The following KLHL13 variants were observed in gnomAD, a reference collection of about 807,000 sequenced individuals.
KLHL13 encodes kelch-like protein 13.
KLHL13 carries 10 observed loss-of-function variants against 37.1 expected under a neutral mutation model. That is an observed-to-expected ratio of 0.27 (90% CI 0.17 to 0.46). KLHL13 has a LOEUF of 0.46. Among genes scored for constraint, KLHL13 ranks in the 20% least tolerant of loss-of-function variants. The pLI, the probability that KLHL13 is intolerant of heterozygous loss-of-function variation, is 1.00. For synonymous variants in KLHL13, 163 were observed against 181.2 expected (o/e 0.90, Z 0.81); for missense variants, 360 against 509.3 (o/e 0.71, Z 2.82).
intron 2 of KLHL13, among the ~76,000 whole-genome samples, chrX:117,935,351 T>C (rs1932722529): frequency 1.8e-5 from 2 of 112,294 alleles, no homozygotes; most frequent in Admixed American, 1.9e-4. Flanking sequence ...TAATAGAAAC[T>C]AGTCACAAAA....
At chrX:117,933,732 A>G (rs903503676) in intron 2 of KLHL13, among the ~76,000 whole-genome samples, 2 of 111,367 alleles carry the variant, frequency 1.8e-5, no homozygotes, top group Middle Eastern at 4.6e-3. Flanking sequence ...AATAATACAA[A>G]AGGTGGACAT....
intron 1 of KLHL13, among the ~76,000 whole-genome samples, chrX:118,095,812 A>C (rs768499256): frequency 1.8e-5 from 2 of 112,267 alleles, no homozygotes; most frequent in South Asian, 7.4e-4. Context: ...AATGAAATGA[A>C]GGCAGAAATA....
At chrX:118,044,507 C>T (rs191137526) in intron 1 of KLHL13, among the ~76,000 whole-genome samples, 1 of 108,039 alleles carries the variant, frequency 9.3e-6, no homozygotes, top group African/African-American at 3.4e-5. Context: ...CTACAGTAAC[C>T]AAAACAGCAT....
intron 1 of KLHL13, among the ~76,000 whole-genome samples, chrX:118,037,488 G>GC (rs1369618172): frequency 1.0e-5 from 1 of 99,206 alleles, no homozygotes; most frequent in East Asian, 3.2e-4. Context: ...GTAAACTATC[G>GC]CAAGAACAAA....
chrX:118,094,689 C>A (rs1260074887), intron 1 of KLHL13, among the ~76,000 whole-genome samples: 1 of 112,008 alleles, frequency 8.9e-6, no homozygotes, highest in Non-Finnish European at 1.9e-5. Context: ...AACAGCTGAT[C>A]TCTCAGCAGA....
At chrX:118,064,061 A>G (rs1476661720) in intron 1 of KLHL13, among the ~76,000 whole-genome samples, 1 of 111,830 alleles carries the variant, frequency 8.9e-6, no homozygotes, top group Non-Finnish European at 1.9e-5. Flanking sequence ...ATTAGAAGGT[A>G]AACCATCATT....
intron 1 of KLHL13, among the ~76,000 whole-genome samples, chrX:118,086,999 A>G (rs111374134): frequency 0.04 from 4,449 of 111,526 alleles, 229 homozygotes; most frequent in African/African-American, 0.14. Flanking sequence ...ATTATTTTTT[A>G]CTGCTAGACA....
At chrX:117,971,003 A>G (rs891178698) in intron 1 of KLHL13, among the ~76,000 whole-genome samples, 2 of 111,661 alleles carry the variant, frequency 1.8e-5, no homozygotes, top group Non-Finnish European at 1.9e-5. Context: ...TGTAGGTTCT[A>G]TCTTCTAAAT....
chrX:118,016,559 C>T (rs1232317609), intron 1 of KLHL13, among the ~76,000 whole-genome samples: 2 of 111,822 alleles, frequency 1.8e-5, no homozygotes, highest in Admixed American at 1.9e-4. Context: ...CAAAATCTTG[C>T]ATTATGTACA....
intron 1 of KLHL13, among the ~76,000 whole-genome samples, chrX:118,111,988 A>G (rs185473159): frequency 9.8e-5 from 11 of 112,167 alleles, no homozygotes; most frequent in African/African-American, 3.6e-4. Flanking sequence ...AAGTTCTATT[A>G]CCCCTTTTTT....
intron 1 of KLHL13, among the ~76,000 whole-genome samples, chrX:118,025,382 C>A (rs368466550): frequency 2.7e-5 from 3 of 111,678 alleles, no homozygotes; most frequent in African/African-American, 9.8e-5. Flanking sequence ...TGAAATCTTA[C>A]ACTATCCTAC....
At chrX:118,108,872 T>C (rs1282264393) in intron 1 of KLHL13, among the ~76,000 whole-genome samples, 1 of 111,719 alleles carries the variant, frequency 9.0e-6, no homozygotes, top group Non-Finnish European at 1.9e-5. Context: ...AGTGGTGTGA[T>C]TGTAGCCCAC....
chrX:118,113,178 C>A (rs1242562817), intron 1 of KLHL13, among the ~76,000 whole-genome samples: 2 of 111,849 alleles, frequency 1.8e-5, no homozygotes, highest in Admixed American at 1.9e-4. Context: ...TTCCCCCATC[C>A]CCTTACCTAA....
rs192027983 is a variant in KLHL13, at chrX:117,909,201, C to T, written c.1366+100G>A. 231 of 719,224 alleles carry T rather than the reference C, an allele frequency of 3.2e-4. 1 individual carries two copies. In the African/African-American group the frequency reaches 4.0e-3, roughly 13 times the overall value. 59.3% of individuals were successfully genotyped at this position (719,224 alleles called of 1,213,427 possible). ...AAATAGTTTTAAAATAAAACCCTAA[C>T]TACATTTTTATCTGATTTTACAGGA... On this transcript the variant is annotated intron_variant, in intron 5 of 6. Transcript: ENST00000262820.
intron 1 of KLHL13, among the ~76,000 whole-genome samples, chrX:118,010,514 C>T (rs1487832850): frequency 3.9e-5 from 3 of 76,190 alleles, no homozygotes; most frequent in Admixed American, 3.2e-4. Context: ...ACCGCATATT[C>T]TCACTCATAG....
intron 1 of KLHL13, among the ~76,000 whole-genome samples, chrX:118,070,602 G>C (rs1199008818): frequency 9.1e-6 from 1 of 110,453 alleles, no homozygotes; most frequent in Non-Finnish European, 1.9e-5. Context: ...AATAAATTAA[G>C]CTTGATAATT....
intron 2 of KLHL13, among the ~76,000 whole-genome samples, chrX:117,934,175 T>C (rs1298723784): frequency 9.0e-6 from 1 of 110,999 alleles, no homozygotes; most frequent in Non-Finnish European, 1.9e-5. Context: ...AAAAACTACC[T>C]ATTGGGTACT....
chrX:117,991,468 C>T (rs2053789492), intron 1 of KLHL13, among the ~76,000 whole-genome samples: 1 of 111,321 alleles, frequency 9.0e-6, no homozygotes, highest in Admixed American at 9.5e-5. Flanking sequence ...ATTCATTTTG[C>T]CACCTTTATT....
Position 117,901,508 on chromosome X carries a change from A to AT in KLHL13, c.1480+324dup, listed in dbSNP as rs770977548. 3.7e-3 allele frequency among the ~76,000 whole-genome samples: 374 copies of AT among 102,222 alleles called. 1 individual carries two copies. The highest frequency in any genetic ancestry group is 0.012 in the South Asian group (27 of 2,329). The allele number at this position is 102,222 out of a possible 115,157, so 88.8% of individuals were successfully genotyped here. ...ATATTTTGATTCTCCGTTTTTCTGG[A>AT]TTTTTTTTTTTTTTGAGATGGAGTC... is the stretch of plus-strand genomic sequence containing the variant. On this transcript the variant is annotated intron_variant, in intron 6 of 6. Transcript: ENST00000262820.
Sources: gnomAD v4.1 joint callset for allele counts (sites outside exome capture counted in the v4.1 genomes callset) on GRCh38, gnomAD v4.1.1 for gene constraint, MANE v1.5 for transcripts, NCBI Gene and HGNC (gene_info 2026-07-23, HGNC 2026-07-21) for gene names.